Variants in SPNS2 observed in about 807,000 individuals in gnomAD.
The protein encoded by SPNS2 is sphingosine-1-phosphate transporter SPNS2.
In SPNS2, 37 loss-of-function variants were observed where a neutral mutation model predicts 57.6. The observed-to-expected ratio is 0.64, with a 90% CI of 0.49 to 0.85. The LOEUF (loss-of-function observed/expected upper bound fraction) is 0.85, where lower values mean the gene tolerates loss of function less well. Ranked by LOEUF, SPNS2 falls within the 40% of genes least tolerant of loss-of-function variation. The pLI is 0.00. For missense variants in SPNS2, 831 were observed against 779.1 expected, an observed-to-expected ratio of 1.07 and a Z score of -0.79; for synonymous variants, 440 against 346.9, an observed-to-expected ratio of 1.27 and a Z score of -2.98.
chr17:4,536,679 C>A lies in SPNS2; in HGVS notation c.1608-221C>A, dbSNP rs527482752. The A allele has an allele frequency of 7.9e-6, 5 of 635,924 alleles. No homozygotes were observed. In the African/African-American group the frequency reaches 9.2e-5, roughly 12 times the overall value. 39.4% of individuals were successfully genotyped at this position (635,924 alleles called of 1,614,324 possible). A position where few individuals can be genotyped will look rare whatever the true frequency, so the allele number is the denominator to read the frequency against. On this transcript the variant is annotated intron_variant, in intron 11 of 12. Coordinates refer to ENST00000329078, the MANE Select transcript of SPNS2 (RefSeq NM_001124758.3). ...ACTTAGTGGTTTTCAAAGCTGGGGC[C>A]CCTCCCCTTCCTCTTACTTTCTGAC...
chr17:4,536,427 G>GT lies in SPNS2; in HGVS notation c.1607+2dup. On this transcript the variant is annotated splice_donor_variant, in intron 11 of 12. Transcript: ENST00000329078. LOFTEE classifies it high-confidence loss of function. ...GCGACCGCGCCAGGGCTGAGCAGCA[G>GT]TGAGTGGGGGGGAGGGGAGGCCCTG... is the stretch of plus-strand genomic sequence containing the variant. The GT allele has an allele frequency of 6.4e-7, 1 of 1,555,922 alleles. No individual in the cohort carries two copies. Among genetic ancestry groups the GT allele is most frequent in the Non-Finnish European group, 8.7e-7 (1 of 1,153,206 alleles).
chr17:4,531,196 A>T, intron 5 of SPNS2, 77 bp downstream of exon 5: 2 of 1,416,790 alleles, frequency 1.4e-6, no homozygotes, highest in Admixed American at 3.6e-5. Context: ...GATGTAATCC[A>T]GGCTAGGACC....
At chr17:4,531,273 G>A (rs1271478937) in intron 5 of SPNS2, among the ~76,000 whole-genome samples, 154 bp downstream of exon 5, 1 of 152,236 alleles carries the variant, frequency 6.6e-6, no homozygotes, top group African/African-American at 2.4e-5. Flanking sequence ...GATTAGTCCA[G>A]ATTGAGGTAT....
Position 4,537,543 on chromosome 17 carries a change from T to C in SPNS2, c.*95T>C, listed in dbSNP as rs1355794465. ...GACCGGCTGGGCTGCCCCAAAGCTTTCTGTGTGATCCACGGCTAGGCACCC... is the reference window on the plus strand; with the variant it reads ...GACCGGCTGGGCTGCCCCAAAGCTTCCTGTGTGATCCACGGCTAGGCACCC... On this transcript the variant is annotated 3_prime_UTR_variant, in exon 13 of 13. Coordinates refer to ENST00000329078, the MANE Select transcript of SPNS2 (RefSeq NM_001124758.3). 2.2e-6 allele frequency: 1 copy of C among 456,752 alleles called. No individual in the cohort carries two copies. Among genetic ancestry groups the C allele is most frequent in the Non-Finnish European group, 4.4e-6 (1 of 226,972 alleles). The allele number at this position is 456,752 out of a possible 1,614,324, so 28.3% of individuals were successfully genotyped here. A position where few individuals can be genotyped will look rare whatever the true frequency, so the allele number is the denominator to read the frequency against.
At position 4,512,692 on chromosome 17, in the gene SPNS2, G is replaced by T. The variant is rs1272306172; in HGVS notation, c.371-555G>T. Among the ~76,000 whole-genome samples, 1 of 151,992 alleles carries T rather than the reference G, an allele frequency of 6.6e-6. No individual in the cohort carries two copies. Among genetic ancestry groups the T allele is most frequent in the African/African-American group, 2.4e-5 (1 of 41,406 alleles). ...TGTGCGCGCGTGGGTGTGTATGCAT[G>T]TGTGCAGGTGTGTGCACACACGTGC... On this transcript the variant is annotated intron_variant, in intron 1 of 12. Transcript: ENST00000329078. This position sits in a 1 kb window ranked among gnomAD's most constrained non-coding sequence, Gnocchi z 5.2.
rs972791750 is a variant in SPNS2, at chr17:4,538,968, C to T, written c.*1520C>T. The T allele has an allele frequency of 6.3e-6, 5 of 789,818 alleles. No individual in the cohort carries two copies. The highest frequency in any genetic ancestry group is 1.7e-5 in the African/African-American group (1 of 59,296). 48.9% of individuals were successfully genotyped at this position (789,818 alleles called of 1,614,324 possible). The stretch of plus-strand genomic sequence containing the variant: ...TTTTTTAGAGCTGCTGATTGTGAAT[C>T]TCAGAGTCTTAAGAGAGAAGCCAAA... On this transcript the variant is annotated 3_prime_UTR_variant, in exon 13 of 13. Transcript: ENST00000329078.
chr17:4,515,305 C>A (rs1405489552), intron 2 of SPNS2, among the ~76,000 whole-genome samples: 1 of 152,218 alleles, frequency 6.6e-6, no homozygotes, highest in African/African-American at 2.4e-5. Flanking sequence ...GCTGCACTTA[C>A]CAGATACAGG....
At chr17:4,507,417 C>A (rs1904712191) in intron 1 of SPNS2, among the ~76,000 whole-genome samples, 1 of 152,248 alleles carries the variant, frequency 6.6e-6, no homozygotes, top group Non-Finnish European at 1.5e-5. Flanking sequence ...TAGTTAATTA[C>A]AAATGATAAC....
At chr17:4,514,201 T>C (rs146501637) in intron 2 of SPNS2, among the ~76,000 whole-genome samples, 248 of 152,332 alleles carry the variant, frequency 1.6e-3, no homozygotes, top group African/African-American at 5.6e-3. Flanking sequence ...TGGTCCTGAC[T>C]CTGCCCTAGT....
At chr17:4,535,406 T>TA (rs974689970) in intron 9 of SPNS2, among the ~76,000 whole-genome samples, 3 of 152,118 alleles carry the variant, frequency 2.0e-5, no homozygotes, top group African/African-American at 7.2e-5. Flanking sequence ...GATGGGTCTT[T>TA]AGCTTGATGG....
rs1905811259 is a variant in SPNS2 at position 4,536,435 on chromosome 17, G to GC, written c.1607+9_1607+10insC. The GC allele has an allele frequency of 1.9e-6, 3 of 1,591,950 alleles. No homozygotes were observed. The highest frequency in any genetic ancestry group is 1.1e-5 in the South Asian group (1 of 90,540). On this transcript the variant is annotated intron_variant, in intron 11 of 12. Transcript: ENST00000329078. ...GCCAGGGCTGAGCAGCAGTGAGTGG[G>GC]GGGGAGGGGAGGCCCTGCTGCACCG...
In SPNS2 at chr17:4,498,918, C is replaced by G. The variant is rs909746101; in HGVS notation, c.-130C>G. 4 of 418,758 alleles carry G rather than the reference C, an allele frequency of 9.6e-6. No homozygotes were observed. Among genetic ancestry groups the G allele is most frequent in the African/African-American group, 2.2e-5 (1 of 45,936 alleles). The allele number at this position is 418,758 out of a possible 1,614,324, so 25.9% of individuals were successfully genotyped here. ...GCGGTGGCAGCGCCGCAGCCGGGGC[C>G]GGAGCGCAGGAGCCGACGGGGCCCG... On this transcript the variant is annotated 5_prime_UTR_variant, in exon 1 of 13. Coordinates refer to ENST00000329078, the MANE Select transcript of SPNS2 (RefSeq NM_001124758.3).
intron 2 of SPNS2, among the ~76,000 whole-genome samples, chr17:4,513,940 C>A (rs1188598752): frequency 6.6e-6 from 1 of 152,230 alleles, no homozygotes; most frequent in Non-Finnish European, 1.5e-5. Flanking sequence ...AGCCCCCAGG[C>A]TGCTGGAAGC....
chr17:4,508,534 A>G (rs724809), intron 1 of SPNS2, among the ~76,000 whole-genome samples: 100,830 of 152,026 alleles, frequency 0.66, 34,307 homozygotes, highest in East Asian at 0.82. Context: ...CATGGCTAGC[A>G]GCATTTCCCT....
intron 8 of SPNS2, 155 bp downstream of exon 8, chr17:4,533,587 C>T: frequency 2.9e-6 from 3 of 1,032,426 alleles, no homozygotes; most frequent in Non-Finnish European, 4.2e-6. Context: ...CCTGGCCACA[C>T]ACAGCCTGTC....
intron 1 of SPNS2, among the ~76,000 whole-genome samples, chr17:4,502,105 G>C (rs1293475847): frequency 6.6e-6 from 1 of 152,154 alleles, no homozygotes; most frequent in Admixed American, 6.5e-5. Context: ...GCTGGGCGCG[G>C]TGGCTCACGC....
intron 9 of SPNS2, among the ~76,000 whole-genome samples, chr17:4,534,877 C>T (rs1239461978): frequency 2.0e-5 from 3 of 152,124 alleles, no homozygotes; most frequent in Non-Finnish European, 2.9e-5. Flanking sequence ...CCTGCCTCCA[C>T]CCCCAGGGAG....
intron 1 of SPNS2, among the ~76,000 whole-genome samples, chr17:4,508,784 T>G (rs1307315124): frequency 6.6e-6 from 1 of 152,242 alleles, no homozygotes; most frequent in East Asian, 1.9e-4. Context: ...GTACCATTAC[T>G]GAGCCAGGGG....
chr17:4,505,407 T>C (rs1284029675), intron 1 of SPNS2, among the ~76,000 whole-genome samples: 1 of 152,188 alleles, frequency 6.6e-6, no homozygotes, highest in Non-Finnish European at 1.5e-5. Context: ...TGGTGCTGTC[T>C]CTTTGTTCTG....
Sources: allele counts gnomAD v4.1 joint callset (sites outside exome capture counted in the v4.1 genomes callset), GRCh38; gene constraint gnomAD v4.1.1; non-coding constraint Gnocchi (gnomAD v3.1); transcripts MANE v1.5; gene names NCBI Gene and HGNC (gene_info 2026-07-23, HGNC 2026-07-21).